The following CYP24A1 variants were observed in gnomAD, a reference collection of about 807,000 sequenced individuals.
The protein encoded by CYP24A1 is cytochrome P450 family 24 subfamily A member 1.
In CYP24A1, 68 loss-of-function variants were observed where a neutral mutation model predicts 62.4. That is an observed-to-expected ratio of 1.09 (90% CI 0.90 to 1.33). The LOEUF (loss-of-function observed/expected upper bound fraction) is 1.33, where lower values mean the gene tolerates loss of function less well. CYP24A1 is among the 40% of genes most tolerant of loss of function. CYP24A1 has a pLI of 0.00. For missense variants in CYP24A1, 787 were observed against 653.0 expected, an observed-to-expected ratio of 1.21 and a Z score of -2.24; for synonymous variants, 267 against 253.0, an observed-to-expected ratio of 1.06 and a Z score of -0.52.
At chr20:54,156,593 C>A (rs1456756145) in intron 11 of CYP24A1, among the ~76,000 whole-genome samples, 1 of 152,206 alleles carries the variant, frequency 6.6e-6, no homozygotes, top group East Asian at 1.9e-4. Context: ...AGAGCCCCGA[C>A]AACACGATAA....
intron 7 of CYP24A1, among the ~76,000 whole-genome samples, chr20:54,161,691 T>A (rs1292423420): frequency 6.6e-6 from 1 of 151,910 alleles, no homozygotes; most frequent in Non-Finnish European, 1.5e-5. Context: ...AAAAGAATAA[T>A]GGGTGACACT....
At chr20:54,149,897 T>G (rs923906239), downstream of CYP24A1, among the ~76,000 whole-genome samples, 7 of 152,176 alleles carry the variant, frequency 4.6e-5, no homozygotes, top group Non-Finnish European at 1.0e-4. Flanking sequence ...TCTGAGGAAG[T>G]GCATTTTTCA....
the CYP24A1 span, among the ~76,000 whole-genome samples, chr20:54,147,776 C>G: frequency 6.6e-6 from 1 of 152,178 alleles, no homozygotes; most frequent in Non-Finnish European, 1.5e-5. Context: ...ATCACTTCCC[C>G]AATGCCACAC....
chr20:54,172,981 G>A lies in CYP24A1; in HGVS notation c.377C>T (p.Pro126Leu). The A allele has an allele frequency of 1.9e-6, 3 of 1,613,050 alleles. No individual in the cohort carries two copies. The highest frequency in any genetic ancestry group is 1.7e-5 in the Admixed American group (1 of 60,034). The change falls in exon 2 of 12, where the codon CCG becomes CTG. Residue 126 changes from proline (P) to leucine (L), a missense_variant. Physicochemically the swap from Pro to Leu is moderately conservative, Grantham distance 98. Coordinates refer to ENST00000216862, the MANE Select transcript of CYP24A1 (RefSeq NM_000782.5). ...CCACGGTTTGATCTCCAGCCGCTGC[G>A]GGTACGCGCTCTCGGTGCGGTACAG... ...EALYRTESAY[P>L]QRLEIKPWKA...
the CYP24A1 span, among the ~76,000 whole-genome samples, chr20:54,148,155 C>A: frequency 6.6e-6 from 1 of 152,012 alleles, no homozygotes; most frequent in Admixed American, 6.6e-5. Flanking sequence ...TTCTTAACCA[C>A]CTCGATACAC....
Position 54,173,823 on chromosome 20 carries a change from G to C in CYP24A1, c.-244C>G, listed in dbSNP as rs2092704161. ...CTCCTTGCACTGGCCGCAGGGGCTG[G>C]AAGAGGGTGGCCGGTGTCTGGGGAC... On this transcript the variant is annotated 5_prime_UTR_variant, in exon 1 of 12. Transcript: ENST00000216862. This position sits in a 1 kb window ranked among gnomAD's most constrained non-coding sequence, Gnocchi z 7.2. 3.5e-6 allele frequency: 2 copies of C among 577,154 alleles called. No individual in the cohort carries two copies. The highest frequency in any genetic ancestry group is 3.0e-5 in the Admixed American group (1 of 33,054). 35.8% of individuals were successfully genotyped at this position (577,154 alleles called of 1,614,324 possible). A position where few individuals can be genotyped will look rare whatever the true frequency, so the allele number is the denominator to read the frequency against.
At chr20:54,165,953 A>C (rs1601138648) in intron 4 of CYP24A1, 120 bp from the exon 5 acceptor site, 1 of 753,952 alleles carries the variant, frequency 1.3e-6, no homozygotes, top group East Asian at 2.6e-5. Context: ...TTTCTGAGAA[A>C]AGGCAACAGT....
the CYP24A1 span, among the ~76,000 whole-genome samples, chr20:54,146,138 A>G: frequency 0.2 from 29,905 of 152,198 alleles, 3,442 homozygotes; most frequent in African/African-American, 0.3. Context: ...CCAATCACAC[A>G]GTCAGCCCTT....
At chr20:54,155,245 C>T (rs1391875439) in intron 11 of CYP24A1, among the ~76,000 whole-genome samples, 2 of 152,034 alleles carry the variant, frequency 1.3e-5, no homozygotes, top group Admixed American at 1.3e-4. Context: ...TTCATTTGGG[C>T]CTTGTTCAGA....
At chr20:54,167,957 C>T (rs1377852298) in intron 4 of CYP24A1, among the ~76,000 whole-genome samples, 4 of 152,204 alleles carry the variant, frequency 2.6e-5, no homozygotes, top group Admixed American at 6.5e-5. Context: ...CGGTTACTTA[C>T]AGGCTAAAAT....
the CYP24A1 span, among the ~76,000 whole-genome samples, chr20:54,144,643 A>T: frequency 5.4e-5 from 8 of 148,892 alleles, no homozygotes; most frequent in African/African-American, 1.5e-4. Context: ...AAATATAGTA[A>T]CATATTATTA....
chr20:54,163,895 G>A (rs904017943), intron 6 of CYP24A1, among the ~76,000 whole-genome samples: 1 of 152,132 alleles, frequency 6.6e-6, no homozygotes, highest in Non-Finnish European at 1.5e-5. Flanking sequence ...CACAACCAGT[G>A]ACAGAGCTGA....
chr20:54,146,908 T>G, the CYP24A1 span, among the ~76,000 whole-genome samples: 1 of 152,186 alleles, frequency 6.6e-6, no homozygotes, highest in Non-Finnish European at 1.5e-5. Flanking sequence ...GAAGCATAAG[T>G]GATATTAATC....
chr20:54,169,468 G>T (rs959187757), intron 4 of CYP24A1, 124 bp downstream of exon 4: 14 of 1,552,046 alleles, frequency 9.0e-6, no homozygotes, highest in Non-Finnish European at 1.2e-5. Flanking sequence ...AGCATTAAAA[G>T]GGCTGCTCTG....
chr20:54,171,955 T>C (rs1180146110), intron 2 of CYP24A1: 2 of 576,990 alleles, frequency 3.5e-6, no homozygotes, highest in Admixed American at 6.8e-5. Flanking sequence ...GAGGTGTCCT[T>C]GCAGGGAGTG....
chr20:54,165,808 C>A lies in CYP24A1; in HGVS notation c.666G>T (p.Lys222Asn). ...FESICLVLYE[K>N]RFGLLQKNAG... is the part of the protein sequence containing the mutation. ...CATTCTTCTGGAGAAGCCCAAATCT[C>A]TTCTCATACAACACGAGGCAGATAC... Residue 222 changes from lysine to asparagine, a missense_variant, in exon 5 of 12, where the codon AAG becomes AAT. By Grantham distance (94) the Lys-to-Asn change is moderately conservative (BLOSUM62 0). Coordinates refer to ENST00000216862, the MANE Select transcript of CYP24A1 (RefSeq NM_000782.5). 1 of 1,494,382 alleles carries A rather than the reference C, an allele frequency of 6.7e-7. No homozygotes were observed. Among genetic ancestry groups the A allele is most frequent in the Non-Finnish European group, 9.3e-7 (1 of 1,070,544 alleles). The allele number at this position is 1,494,382 out of a possible 1,614,324, so 92.6% of individuals were successfully genotyped here. A position where few individuals can be genotyped will look rare whatever the true frequency, so the allele number is the denominator to read the frequency against.
At chr20:54,147,455 C>T in the CYP24A1 span, among the ~76,000 whole-genome samples, 20 of 152,098 alleles carry the variant, frequency 1.3e-4, no homozygotes, top group African/African-American at 3.9e-4. Flanking sequence ...TGTTGGGGAC[C>T]GAAGCTCAGG....
In CYP24A1 at chr20:54,162,848, C is replaced by T. The variant is rs375976660; in HGVS notation, c.859G>A (p.Asp287Asn). Residue 287 changes from aspartate (D) to asparagine (N), a missense_variant, in exon 7 of 12, where the codon GAC becomes AAC. Transcript: ENST00000216862. The stretch of plus-strand genomic sequence containing the variant: ...TGAGAATACTTCTCTAACCGGTTGT[C>T]GATACAAGCTTTGACTATTAGAGCA... ...TIFKSVKACI[D>N]NRLEKYSQQP... 2.9e-5 allele frequency: 45 copies of T among 1,576,512 alleles called. No individual in the cohort carries two copies. The highest frequency in any genetic ancestry group is 1.7e-4 in the Middle Eastern group (1 of 6,002).
At chr20:54,172,137 T>C (rs1447738397) in intron 2 of CYP24A1, among the ~76,000 whole-genome samples, 1 of 152,174 alleles carries the variant, frequency 6.6e-6, no homozygotes, top group African/African-American at 2.4e-5. Context: ...CGCCTCCAAA[T>C]AATAACATAC....
Sources: gnomAD v4.1 joint callset for allele counts (sites outside exome capture counted in the v4.1 genomes callset) on GRCh38, gnomAD v4.1.1 for gene constraint, Gnocchi (gnomAD v3.1) non-coding constraint, MANE v1.5 for transcripts, NCBI Gene and HGNC (gene_info 2026-07-23, HGNC 2026-07-21) for gene names.